ACAD10: variants seen among roughly 807,000 people sequenced by gnomAD.
ACAD10 encodes the protein acyl-CoA dehydrogenase family member 10.
ACAD10 carries 112 observed loss-of-function variants against 116.8 expected under a neutral mutation model. That is an observed-to-expected ratio of 0.96 (90% CI 0.82 to 1.12). ACAD10 has a LOEUF of 1.12. Among genes scored for constraint, ACAD10 ranks in the 50% most tolerant of loss-of-function variants. The pLI is 0.00. For synonymous variants in ACAD10, 486 were observed against 510.6 expected (o/e 0.95, Z 0.65); for missense variants, 1,259 against 1,350.2 (o/e 0.93, Z 1.06).
intron 2 of ACAD10, among the ~76,000 whole-genome samples, chr12:111,701,524 G>C (rs1042958955): frequency 2.6e-5 from 4 of 152,158 alleles, no homozygotes; most frequent in Non-Finnish European, 4.4e-5. Flanking sequence ...AATTAGCCAG[G>C]CTTGGTGGTG....
At position 111,693,058 on chromosome 12, in the gene ACAD10, C is replaced by T. The variant is rs925152200; in HGVS notation, c.187+162C>T. The T allele has an allele frequency of 2.1e-5, 15 of 697,706 alleles. No homozygotes were observed. In the African/African-American group the frequency reaches 2.3e-4, roughly 11 times the overall value. 43.2% of individuals were successfully genotyped at this position (697,706 alleles called of 1,614,324 possible). ...CAAGCACCACTAGGGGGCTGAGTGT[C>T]TTGGGCGCATGATTCAGCTTCTCCA... On this transcript the variant is annotated intron_variant, in intron 2 of 20. Transcript: ENST00000313698.
intron 10 of ACAD10, 106 bp from the exon 11 acceptor site, chr12:111,733,817 G>T (rs2135978657): frequency 7.1e-7 from 1 of 1,407,134 alleles, no homozygotes; most frequent in Non-Finnish European, 9.8e-7. Context: ...GCACAGAGGG[G>T]ATGGGAGGGT....
intron 12 of ACAD10, among the ~76,000 whole-genome samples, chr12:111,743,584 C>T (rs1371692687): frequency 6.6e-6 from 1 of 151,960 alleles, no homozygotes; most frequent in African/African-American, 2.4e-5. Context: ...GATCCACCCG[C>T]CTCAGCCTCC....
chr12:111,754,764 A>G (rs1374208549), intron 19 of ACAD10, among the ~76,000 whole-genome samples: 1 of 152,222 alleles, frequency 6.6e-6, no homozygotes, highest in Admixed American at 6.5e-5. Context: ...GCCTTGGTCC[A>G]CTGCTGCTTG....
intron 18 of ACAD10, 72 bp from the exon 19 acceptor site, chr12:111,753,700 C>T: frequency 6.2e-7 from 1 of 1,607,100 alleles, no homozygotes; most frequent in Non-Finnish European, 8.5e-7. Context: ...GCTCTGCAGG[C>T]CACCAGCCCC....
chr12:111,713,792 C>T (rs1383496797), intron 6 of ACAD10, among the ~76,000 whole-genome samples: 3 of 151,558 alleles, frequency 2.0e-5, no homozygotes, highest in Non-Finnish European at 4.4e-5. Flanking sequence ...TAAAAATTAG[C>T]TAGGTGTTTT....
rs117545816 is a variant in ACAD10 at position 111,710,450 on chromosome 12, G to A, written c.690+766G>A. ...ATGGGCCTGTAGGGTAAGAGCAAAC[G>A]TTGTAACATAATCTTCTTTCTTCTT... On this transcript the variant is annotated intron_variant, in intron 5 of 20. Transcript: ENST00000313698. The A allele has an allele frequency of 9.5e-4, 266 of 281,450 alleles. 5 individuals carry two copies. In the East Asian group the frequency reaches 0.028, roughly 30 times the overall value. 17.4% of individuals were successfully genotyped at this position (281,450 alleles called of 1,614,324 possible). A position where few individuals can be genotyped will look rare whatever the true frequency, so the allele number is the denominator to read the frequency against.
chr12:111,747,330 C>T lies in ACAD10; in HGVS notation c.2430C>T (p.Ser810=), dbSNP rs768842549. ...CAGATGCCACCAACATTGAGGCTTC[C>T]ATCAGAGAGGAGGACAGCTTCTATG... The part of the protein sequence containing the change: ...ASSDATNIEA[S]IREEDSFYVI... The change falls in exon 16 of 21, where the codon TCC becomes TCT. Residue 810 remains serine, a synonymous_variant. Coordinates refer to ENST00000313698, the MANE Select transcript of ACAD10 (RefSeq NM_025247.6). The T allele has an allele frequency of 2.5e-6, 4 of 1,614,178 alleles. No individual in the cohort carries two copies. The highest frequency in any genetic ancestry group is 3.4e-6 in the Non-Finnish European group (4 of 1,180,034).
At position 111,727,878 on chromosome 12, in the gene ACAD10, G is replaced by A. The variant is rs535484356; in HGVS notation, c.1062-84G>A. The A allele has an allele frequency of 5.2e-4, 719 of 1,385,542 alleles. 1 individual carries two copies. The highest frequency in any genetic ancestry group is 6.4e-4 in the Non-Finnish European group (650 of 1,012,234). 85.8% of individuals were successfully genotyped at this position (1,385,542 alleles called of 1,614,324 possible). On this transcript the variant is annotated intron_variant, in intron 8 of 20. Transcript: ENST00000313698. ...CCAGCTCTCAACCTGTATACCCAGG[G>A]AAAGTGACAAAGAATAGGGTCATGA...
chr12:111,702,087 T>G lies in ACAD10; in HGVS notation c.188-75T>G. 1.1e-5 allele frequency: 16 copies of G among 1,469,682 alleles called. 1 individual carries two copies. In the South Asian group the frequency reaches 1.9e-4, roughly 17 times the overall value. 91.0% of individuals were successfully genotyped at this position (1,469,682 alleles called of 1,614,324 possible). A position where few individuals can be genotyped will look rare whatever the true frequency, so the allele number is the denominator to read the frequency against. On this transcript the variant is annotated intron_variant, in intron 2 of 20. Coordinates refer to ENST00000313698, the MANE Select transcript of ACAD10 (RefSeq NM_025247.6). ...TACAGCGAGTCCGTAGGAACTGGTA[T>G]GGTAATTTTCCTGAGCTCCCTAAAC...
intron 3 of ACAD10, among the ~76,000 whole-genome samples, 185 bp downstream of exon 3, chr12:111,702,495 C>T (rs977723462): frequency 2.0e-5 from 3 of 152,106 alleles, no homozygotes; most frequent in African/African-American, 4.8e-5. Context: ...CTTTGGGAGG[C>T]CCAGGGGGTG....
At chr12:111,693,053 A>T in intron 2 of ACAD10, 157 bp downstream of exon 2, 2 of 742,894 alleles carry the variant, frequency 2.7e-6, no homozygotes, top group Non-Finnish European at 4.3e-6. Flanking sequence ...TAGGGGGCTG[A>T]GTGTCTTGGG....
At chr12:111,697,584 C>CT (rs762619644) in intron 2 of ACAD10, among the ~76,000 whole-genome samples, 31,203 of 120,520 alleles carry the variant, frequency 0.26, 6,104 homozygotes, top group East Asian at 0.89. Context: ...TGGTCTCTCT[C>CT]TTTTTTTTTT....
At chr12:111,746,065 T>C in intron 13 of ACAD10, 79 bp from the exon 14 acceptor site, 1 of 1,545,114 alleles carries the variant, frequency 6.5e-7, no homozygotes, top group South Asian at 1.2e-5. Context: ...TTTCCTCCAA[T>C]CCCTTTCATT....
chr12:111,752,443 T>TA (rs781652643), intron 18 of ACAD10, among the ~76,000 whole-genome samples: 1 of 147,796 alleles, frequency 6.8e-6, no homozygotes, highest in Non-Finnish European at 1.5e-5. Context: ...CCATCTCTAT[T>TA]AAAAAAATAC....
At chr12:111,725,286 T>C (rs944964916) in intron 8 of ACAD10, among the ~76,000 whole-genome samples, 8 of 152,028 alleles carry the variant, frequency 5.3e-5, no homozygotes, top group Admixed American at 3.9e-4. Context: ...GGCAGGTAGA[T>C]CACTTGAGCC....
intron 2 of ACAD10, among the ~76,000 whole-genome samples, chr12:111,700,748 CTTTTTTTTTTTT>C (rs750378233): frequency 6.7e-5 from 6 of 89,938 alleles, no homozygotes; most frequent in South Asian, 3.4e-4. Flanking sequence ...CCTTCCTCTT[CTTTTTTTTTTTT>C]TTTTTTTTTT....
At chr12:111,715,652 C>T (rs1463708588) in intron 6 of ACAD10, 169 bp from the exon 7 acceptor site, 3 of 804,592 alleles carry the variant, frequency 3.7e-6, no homozygotes, top group Non-Finnish European at 5.8e-6. Flanking sequence ...GGAGTGTAGA[C>T]CTGGGACTCA....
In ACAD10 at chr12:111,755,709, G is replaced by T. The variant is rs750301886; in HGVS notation, c.3003G>T (p.Pro1001=). Reference sequence around the variant, plus strand: ...TAGCCATGATTAAAATGGTCGCCCCGTCCATGGCCTCCCGAGTGATTGATC... The same window carrying T: ...TAGCCATGATTAAAATGGTCGCCCCTTCCATGGCCTCCCGAGTGATTGATC... ...LDIAMIKMVA[P]SMASRVIDRA... Residue 1001 remains proline (P), a synonymous_variant, in exon 20 of 21, where the codon CCG becomes CCT. Transcript: ENST00000313698. The T allele has an allele frequency of 6.2e-7, 1 of 1,613,768 alleles. No homozygotes were observed. Among genetic ancestry groups the T allele is most frequent in the Admixed American group, 1.7e-5 (1 of 59,958 alleles).
Sources: gnomAD v4.1 joint callset for allele counts (sites outside exome capture counted in the v4.1 genomes callset) on GRCh38, gnomAD v4.1.1 for gene constraint, MANE v1.5 for transcripts, NCBI Gene and HGNC (gene_info 2026-07-23, HGNC 2026-07-21) for gene names.